The following PCDH15 variants were observed in gnomAD, a reference collection of about 807,000 sequenced individuals.
PCDH15 encodes protocadherin related 15.
Under a neutral mutation model 178.5 loss-of-function variants are expected in PCDH15, and 129 were observed. The observed-to-expected ratio is 0.72, with a 90% CI of 0.63 to 0.84. The LOEUF is 0.84. Ranked by LOEUF, PCDH15 falls within the 40% of genes least tolerant of loss-of-function variation. PCDH15 has a pLI of 0.00. For synonymous variants in PCDH15, 800 were observed against 732.0 expected (o/e 1.09, Z -1.50); for missense variants, 2,230 against 2,099.9 (o/e 1.06, Z -1.21).
intron 2 of PCDH15, among the ~76,000 whole-genome samples, chr10:54,647,123 C>T (rs1733010836): frequency 6.6e-6 from 1 of 151,990 alleles, no homozygotes; most frequent in African/African-American, 2.4e-5. Context: ...AAAGAGAATG[C>T]AGTATATACA....
intron 14 of PCDH15, among the ~76,000 whole-genome samples, chr10:54,138,227 G>C (rs2043063373): frequency 6.6e-6 from 1 of 151,942 alleles, no homozygotes; most frequent in South Asian, 2.1e-4. Context: ...ACACTCTTGG[G>C]GGCTTGTTTG....
chr10:54,060,377 A>G (rs1389627237), intron 18 of PCDH15, among the ~76,000 whole-genome samples: 1 of 152,202 alleles, frequency 6.6e-6, no homozygotes, highest in East Asian at 1.9e-4. Context: ...ATTTCGAAAA[A>G]TCATAAACAA....
chr10:55,493,620 C>A (rs953542731), intron 2 of PCDH15, among the ~76,000 whole-genome samples: 1 of 151,184 alleles, frequency 6.6e-6, no homozygotes, highest in Admixed American at 6.6e-5. Flanking sequence ...ATTCAAAGTG[C>A]TGAAAAAAGA....
At chr10:54,891,080 C>T (rs896167426) in intron 3 of PCDH15, among the ~76,000 whole-genome samples, 1 of 151,932 alleles carries the variant, frequency 6.6e-6, no homozygotes, top group Admixed American at 6.6e-5. Context: ...CACCGATGCA[C>T]CATAGGAAAT....
chr10:54,884,092 G>A (rs1954309535), intron 3 of PCDH15, among the ~76,000 whole-genome samples: 1 of 151,998 alleles, frequency 6.6e-6, no homozygotes, highest in African/African-American at 2.4e-5. Context: ...GCTCAAAACG[G>A]TACAACTGCA....
intron 3 of PCDH15, among the ~76,000 whole-genome samples, chr10:54,396,884 A>G (rs1363521006): frequency 2.0e-5 from 3 of 151,864 alleles, no homozygotes; most frequent in Admixed American, 2.0e-4. Flanking sequence ...TTTTTTCCAA[A>G]TATTCCGACA....
chr10:54,086,955 A>G (rs1011132099), intron 16 of PCDH15, among the ~76,000 whole-genome samples: 1 of 152,188 alleles, frequency 6.6e-6, no homozygotes, highest in African/African-American at 2.4e-5. Flanking sequence ...TGAGAGGAGC[A>G]CTAGAGATAT....
intron 2 of PCDH15, among the ~76,000 whole-genome samples, chr10:54,998,223 T>A (rs1474400598): frequency 6.6e-6 from 1 of 152,076 alleles, no homozygotes; most frequent in East Asian, 1.9e-4. Flanking sequence ...AAAAAATATA[T>A]AGAATAAAAC....
intron 28 of PCDH15, among the ~76,000 whole-genome samples, chr10:53,847,281 G>A (rs934146932): frequency 1.3e-5 from 2 of 152,010 alleles, no homozygotes; most frequent in Admixed American, 1.3e-4. Context: ...GGCTTTTGTT[G>A]AGGTAAATGG....
At position 53,812,024 on chromosome 10, in the gene PCDH15, CTA is replaced by C. The variant is rs532792708; in HGVS notation, c.4492-407_4492-406del. ...GTTGGCCTTAAGAAAAATTATAACACTATCTACAGCATTTTTTTTCATCTCCC... is the reference window on the plus strand; with the variant it reads ...GTTGGCCTTAAGAAAAATTATAACACTCTACAGCATTTTTTTTCATCTCCC... On this transcript the variant is annotated intron_variant, in intron 35 of 37. Coordinates refer to ENST00000644397, the MANE Select transcript of PCDH15 (RefSeq NM_001384140.1). Among the ~76,000 whole-genome samples, 538 of 152,226 alleles carry C rather than the reference CTA, an allele frequency of 3.5e-3. 5 individuals are homozygous for C. The highest frequency in any genetic ancestry group is 0.012 in the African/African-American group (491 of 41,550).
chr10:55,486,716 AG>A (rs1331710175), intron 2 of PCDH15, among the ~76,000 whole-genome samples: 1 of 151,526 alleles, frequency 6.6e-6, no homozygotes, highest in East Asian at 2.0e-4. Context: ...TATGTTGATC[AG>A]GCTCATCTCA....
At chr10:54,688,707 T>C (rs1374727441) in intron 1 of PCDH15, among the ~76,000 whole-genome samples, 1 of 152,088 alleles carries the variant, frequency 6.6e-6, no homozygotes, top group Non-Finnish European at 1.5e-5. Flanking sequence ...CCATTAAAAT[T>C]TCCATTCCTA....
At chr10:54,528,751 T>G (rs537470124) in intron 2 of PCDH15, among the ~76,000 whole-genome samples, 1 of 152,186 alleles carries the variant, frequency 6.6e-6, no homozygotes, top group African/African-American at 2.4e-5. Context: ...GAAAAAACTT[T>G]AAGAATAGTG....
intron 23 of PCDH15, among the ~76,000 whole-genome samples, chr10:53,949,750 T>C (rs1023233205): frequency 3.3e-5 from 5 of 152,088 alleles, no homozygotes; most frequent in Admixed American, 3.3e-4. Flanking sequence ...ATGATGGCTA[T>C]GTTCCTCAAC....
intron 28 of PCDH15, among the ~76,000 whole-genome samples, chr10:53,855,354 T>G (rs1265103163): frequency 6.6e-6 from 1 of 152,056 alleles, no homozygotes; most frequent in Admixed American, 6.6e-5. Flanking sequence ...TAGGCACAAT[T>G]CTAATTATTT....
intron 3 of PCDH15, among the ~76,000 whole-genome samples, chr10:54,497,964 A>G (rs2080289926): frequency 6.6e-6 from 1 of 152,074 alleles, no homozygotes; most frequent in African/African-American, 2.4e-5. Context: ...AACCCCAGAC[A>G]GAGAATATAT....
intron 21 of PCDH15, among the ~76,000 whole-genome samples, chr10:53,987,233 C>T (rs1055111038): frequency 1.1e-4 from 16 of 151,640 alleles, no homozygotes; most frequent in South Asian, 4.2e-4. Flanking sequence ...AAAAACATAG[C>T]GAAACATCAT....
chr10:54,627,792 G>C (rs1462312144), intron 2 of PCDH15, among the ~76,000 whole-genome samples: 2 of 152,178 alleles, frequency 1.3e-5, no homozygotes, highest in Non-Finnish European at 1.5e-5. Flanking sequence ...ATTTGTTCAA[G>C]TCTCTTAGTG....
chr10:55,082,617 G>T, intron 2 of PCDH15, among the ~76,000 whole-genome samples: 1 of 141,936 alleles, frequency 7.0e-6, no homozygotes, highest in East Asian at 2.1e-4. Context: ...TCAACAAAAA[G>T]AAAAGTTGCT....
Sources: allele counts gnomAD v4.1 joint callset (sites outside exome capture counted in the v4.1 genomes callset), GRCh38; gene constraint gnomAD v4.1.1; transcripts MANE v1.5; gene names NCBI Gene and HGNC (gene_info 2026-07-23, HGNC 2026-07-21).